HSPH1: variants seen among roughly 807,000 people sequenced by gnomAD.
The protein encoded by HSPH1 is heat shock protein 105 kDa.
A neutral mutation model predicts 100.0 loss-of-function variants in HSPH1; 40 were observed. The ratio of observed to expected loss-of-function variants is 0.40; its 90% CI spans 0.31 to 0.52. HSPH1 has a LOEUF of 0.52. Ranked by LOEUF, HSPH1 falls within the 20% of genes least tolerant of loss-of-function variation. HSPH1 has a pLI of 0.54. For synonymous variants in HSPH1, 403 were observed against 344.0 expected, an observed-to-expected ratio of 1.17 and a Z score of -1.90; for missense variants, 876 against 1,015.1, an observed-to-expected ratio of 0.86 and a Z score of 1.86.
At chr13:31,161,983 G>C (rs921435553), upstream of HSPH1, 5 of 1,535,944 alleles carry the variant, frequency 3.3e-6, no homozygotes, top group Non-Finnish European at 4.4e-6. Flanking sequence ...TTTACTCACC[G>C]GCGCCTCCAC....
At chr13:31,161,064 C>G (rs1237133900) in intron 1 of HSPH1, among the ~76,000 whole-genome samples, 1 of 152,220 alleles carries the variant, frequency 6.6e-6, no homozygotes, top group East Asian at 1.9e-4. Flanking sequence ...CTGGAGGCGG[C>G]TCAGCCAGCT....
chr13:31,137,445 T>C lies in HSPH1; in HGVS notation c.2450A>G (p.Asn817Ser), dbSNP rs1329987484. ...TTCCTTTTTATCAATATTTGGGCCA[T>C]TTGGAGTTCTTTCCAGTTTGGGTGA... The part of the protein sequence containing the change: ...IESPKLERTP[N>S]GPNIDKKEED... The change falls in exon 18 of 18, where the codon AAT becomes AGT. Residue 817 changes from asparagine to serine, a missense_variant. By Grantham distance (46) the Asn-to-Ser change is conservative. Coordinates refer to ENST00000320027, the MANE Select transcript of HSPH1 (RefSeq NM_006644.4). The C allele has an allele frequency of 3.1e-6, 5 of 1,613,682 alleles. No individual in the cohort carries two copies. The highest frequency in any genetic ancestry group is 1.7e-5 in the Admixed American group (1 of 60,014).
rs200486291 is a variant in HSPH1, at chr13:31,156,398, A to AG, written c.166-745_166-744insC. Among the ~76,000 whole-genome samples, 868 of 151,826 alleles carry AG rather than the reference A, an allele frequency of 5.7e-3. 7 individuals carry two copies. Among genetic ancestry groups the AG allele is most frequent in the Non-Finnish European group, 9.7e-3 (660 of 67,862 alleles). ...GAGCGAGATTCCGTCTCAAAACAAAAAAAAAAGTTAATTTTTATAGCTGGG... is the reference window on the plus strand; with the variant it reads ...GAGCGAGATTCCGTCTCAAAACAAAAGAAAAAAGTTAATTTTTATAGCTGGG... On this transcript the variant is annotated intron_variant, in intron 2 of 17. Transcript: ENST00000320027.
At chr13:31,141,542 C>G (rs1339138141) in intron 12 of HSPH1, among the ~76,000 whole-genome samples, 2 of 151,946 alleles carry the variant, frequency 1.3e-5, no homozygotes, top group East Asian at 3.8e-4. Context: ...ACTTTCTAAG[C>G]CCTTTAAATA....
chr13:31,145,772 G>C lies in HSPH1; in HGVS notation c.1379-4C>G, dbSNP rs964042801. ...ACATTCTGAACTACAAAGCGGCCTA[G>C]AACAACAACAACAAAAATCACAAAA... On this transcript the variant is annotated splice_polypyrimidine_tract_variant and splice_region_variant and intron_variant, in intron 10 of 17. Coordinates refer to ENST00000320027, the MANE Select transcript of HSPH1 (RefSeq NM_006644.4). 1.2e-6 allele frequency: 2 copies of C among 1,612,258 alleles called. No homozygotes were observed. The highest frequency in any genetic ancestry group is 1.3e-5 in the African/African-American group (1 of 74,802).
At chr13:31,143,072 C>T (rs985223487) in intron 12 of HSPH1, among the ~76,000 whole-genome samples, 2 of 151,938 alleles carry the variant, frequency 1.3e-5, no homozygotes, top group Non-Finnish European at 2.9e-5. Context: ...AAAACTCTAC[C>T]CTCAGAATAT....
At chr13:31,154,853 A>G (rs1956622898) in intron 3 of HSPH1, 98 bp from the exon 4 acceptor site, 1 of 1,018,458 alleles carries the variant, frequency 9.8e-7, no homozygotes, top group Non-Finnish European at 1.4e-6. Context: ...CTTCCACAAA[A>G]TCTTTATTTT....
chr13:31,139,995 A>T (rs1186617059), intron 14 of HSPH1, among the ~76,000 whole-genome samples, 189 bp downstream of exon 14: 1 of 152,086 alleles, frequency 6.6e-6, no homozygotes, highest in Non-Finnish European at 1.5e-5. Flanking sequence ...AAAAATGAAG[A>T]GTTTTGGGGG....
chr13:31,141,801 T>TACACATAC (rs1555233051), intron 12 of HSPH1, among the ~76,000 whole-genome samples: 2 of 91,570 alleles, frequency 2.2e-5, no homozygotes, highest in Admixed American at 1.9e-4. Context: ...TACACATACA[T>TACACATAC]ACACACACAC....
intron 12 of HSPH1, among the ~76,000 whole-genome samples, chr13:31,141,612 G>C (rs1956092176): frequency 6.6e-6 from 1 of 151,920 alleles, no homozygotes; most frequent in African/African-American, 2.4e-5. Context: ...ATAGACTCTA[G>C]AACCTGTCAC....
At position 31,154,820 on chromosome 13, in the gene HSPH1, T is replaced by C; in HGVS notation, c.307-65A>G. On this transcript the variant is annotated intron_variant, in intron 3 of 17. Transcript: ENST00000320027. ...TTTAAGCTACATGCCAATATTTAAC[T>C]TCCAAAAATTAGCACACATTCCCTT... 1.4e-5 allele frequency: 19 copies of C among 1,398,824 alleles called. 1 individual carries two copies. The South Asian group carries it at 2.4e-4, about 18-fold the overall frequency. The allele number at this position is 1,398,824 out of a possible 1,614,324, so 86.7% of individuals were successfully genotyped here.
In HSPH1 at chr13:31,148,560, G is replaced by A. The variant is rs180842559; in HGVS notation, c.1138-80C>T. The stretch of plus-strand genomic sequence containing the variant: ...AATATAAAACTCAATTCCAATGGAT[G>A]GACAGGGTTTTCAAAAAAAAAAAAA... On this transcript the variant is annotated intron_variant, in intron 8 of 17. Coordinates refer to ENST00000320027, the MANE Select transcript of HSPH1 (RefSeq NM_006644.4). The A allele has an allele frequency of 1.4e-3, 291 of 211,140 alleles. 3 individuals carry two copies. The highest frequency in any genetic ancestry group is 0.013 in the East Asian group (148 of 11,378). The allele number at this position is 211,140 out of a possible 1,614,324, so 13.1% of individuals were successfully genotyped here.
In HSPH1 at chr13:31,141,263, G is replaced by T. The variant is rs771618023; in HGVS notation, c.1717-4C>A. 6.3e-7 allele frequency: 1 copy of T among 1,580,666 alleles called. No individual in the cohort carries two copies. Among genetic ancestry groups the T allele is most frequent in the South Asian group, 1.2e-5 (1 of 84,142 alleles). On this transcript the variant is annotated splice_region_variant and splice_polypyrimidine_tract_variant and intron_variant, in intron 12 of 17. Coordinates refer to ENST00000320027, the MANE Select transcript of HSPH1 (RefSeq NM_006644.4). ...GGTCAACTTTTTTTTCATTTGCCTTGGGAAGAGGAATAAAAAAAGGAAAAA... is the reference window on the plus strand; with the variant it reads ...GGTCAACTTTTTTTTCATTTGCCTTTGGAAGAGGAATAAAAAAAGGAAAAA...
In HSPH1 at chr13:31,154,690, C is replaced by T. The variant is rs372519733; in HGVS notation, c.372G>A (p.Lys124=). ...VEQITAMLLT[K]LKETAENSLK... is the part of the protein sequence containing the mutation. ...GGCTGTTTTCAGCAGTTTCCTTCAGCTTAGTCAACAACATGGCTGTTATCT... is the reference window on the plus strand; with the variant it reads ...GGCTGTTTTCAGCAGTTTCCTTCAGTTTAGTCAACAACATGGCTGTTATCT... Residue 124 remains lysine, a synonymous_variant, in exon 4 of 18, where the codon AAG becomes AAA. Coordinates refer to ENST00000320027, the MANE Select transcript of HSPH1 (RefSeq NM_006644.4). 3 of 1,613,966 alleles carry T rather than the reference C, an allele frequency of 1.9e-6. No homozygotes were observed. The highest frequency in any genetic ancestry group is 2.5e-6 in the Non-Finnish European group (3 of 1,179,860).
intron 17 of HSPH1, 71 bp downstream of exon 17, chr13:31,138,336 T>C: frequency 1.4e-6 from 2 of 1,413,870 alleles, no homozygotes; most frequent in Non-Finnish European, 2.0e-6. Context: ...ATGGCTATGT[T>C]GAAGGTTCAA....
chr13:31,145,438 C>T (rs1031952529), intron 11 of HSPH1, 125 bp downstream of exon 11: 1 of 716,538 alleles, frequency 1.4e-6, no homozygotes, highest in African/African-American at 1.8e-5. Context: ...TTATCATTAC[C>T]TAAAATTCTG....
intron 9 of HSPH1, 109 bp from the exon 10 acceptor site, chr13:31,148,201 T>A (rs922248303): frequency 8.4e-7 from 1 of 1,193,228 alleles, no homozygotes; most frequent in Admixed American, 2.4e-5. Flanking sequence ...TTCTATCTCA[T>A]CATTTACAAT....
intron 9 of HSPH1, 56 bp from the exon 10 acceptor site, chr13:31,148,148 G>A (rs1956337991): frequency 2.0e-6 from 3 of 1,512,962 alleles, no homozygotes; most frequent in East Asian, 2.3e-5. Flanking sequence ...TATGCTTACT[G>A]TGCTACACAA....
In HSPH1 at chr13:31,161,573, C is replaced by T; in HGVS notation, c.10G>A (p.Val4Met). Residue 4 changes from valine (V) to methionine (M), a missense_variant, in exon 1 of 18, where the codon GTG (valine) becomes ATG (methionine). By Grantham distance (21) the Val-to-Met change is conservative. Transcript: ENST00000320027. MSV[V>M]GLDVGSQSCY... ...CTCTGCGAGCCCACGTCCAACCCCACCACCGACATGGCCGGCTCGCGGTCC... is the reference window on the plus strand; with the variant it reads ...CTCTGCGAGCCCACGTCCAACCCCATCACCGACATGGCCGGCTCGCGGTCC... 6.2e-7 allele frequency: 1 copy of T among 1,613,390 alleles called. No individual in the cohort carries two copies. The highest frequency in any genetic ancestry group is 8.5e-7 in the Non-Finnish European group (1 of 1,179,742).
Sources: gnomAD v4.1 joint callset for allele counts (sites outside exome capture counted in the v4.1 genomes callset) on GRCh38, gnomAD v4.1.1 for gene constraint, MANE v1.5 for transcripts, NCBI Gene and HGNC (gene_info 2026-07-23, HGNC 2026-07-21) for gene names.